The following SEC24D variants were observed in gnomAD, a reference collection of about 807,000 sequenced individuals.
SEC24D encodes the protein SEC24 homolog D, COPII component.
Under a neutral mutation model 116.9 loss-of-function variants are expected in SEC24D, and 69 were observed. That is an observed-to-expected ratio of 0.59 (90% CI 0.49 to 0.72). The LOEUF (loss-of-function observed/expected upper bound fraction) is 0.72, where lower values mean the gene tolerates loss of function less well. SEC24D is among the 30% of genes least tolerant of loss of function. SEC24D has a pLI of 0.00. For synonymous variants in SEC24D, 405 were observed against 442.8 expected, an observed-to-expected ratio of 0.91 and a Z score of 1.07; for missense variants, 1,131 against 1,264.1, an observed-to-expected ratio of 0.89 and a Z score of 1.60.
chr4:118,802,903 C>T (rs989292637), intron 7 of SEC24D, among the ~76,000 whole-genome samples: 9 of 152,116 alleles, frequency 5.9e-5, no homozygotes, highest in Admixed American at 2.6e-4. Context: ...CGGAAAGTTA[C>T]GTAGCCTTAA....
At chr4:118,754,278 A>G (rs551073698) in intron 11 of SEC24D, among the ~76,000 whole-genome samples, 1 of 152,180 alleles carries the variant, frequency 6.6e-6, no homozygotes, top group South Asian at 2.1e-4. Flanking sequence ...ACACACCTCA[A>G]TTATCCTAAA....
chr4:118,816,754 G>A (rs1305243680), intron 4 of SEC24D: 1 of 454,000 alleles, frequency 2.2e-6, no homozygotes, highest in Middle Eastern at 3.3e-4. Flanking sequence ...AGGATATACA[G>A]CATTTCTGTT....
intron 11 of SEC24D, among the ~76,000 whole-genome samples, 165 bp from the exon 12 acceptor site, chr4:118,753,053 A>G (rs1223521319): frequency 6.6e-6 from 1 of 152,150 alleles, no homozygotes; most frequent in Non-Finnish European, 1.5e-5. Flanking sequence ...AGTCACGGCA[A>G]TGGGGGATAG....
intron 3 of SEC24D, among the ~76,000 whole-genome samples, chr4:118,818,497 T>C (rs938934192): frequency 1.3e-5 from 2 of 152,368 alleles, no homozygotes; most frequent in East Asian, 3.9e-4. Context: ...TTTCTCCATA[T>C]GTTTAAATTG....
Position 118,743,961 on chromosome 4 carries a change from CAAGGTGAA to C in SEC24D, c.1995+19_1995+26del, listed in dbSNP as rs746972326. On this transcript the variant is annotated intron_variant, in intron 15 of 22. Coordinates refer to ENST00000280551, the MANE Select transcript of SEC24D (RefSeq NM_014822.4). ...CAAAATTAAAATGGGAGTAGAAGAC[CAAGGTGAA>C]CAAATTGCTGGCATTTACCTGGAAA... 2 of 1,575,612 alleles carry C rather than the reference CAAGGTGAA, an allele frequency of 1.3e-6. No homozygotes were observed. The highest frequency in any genetic ancestry group is 8.6e-7 in the Non-Finnish European group (1 of 1,159,892).
At chr4:118,806,090 C>G in intron 6 of SEC24D, 136 bp from the exon 7 acceptor site, 2 of 606,648 alleles carry the variant, frequency 3.3e-6, no homozygotes, top group Non-Finnish European at 2.9e-6. Flanking sequence ...GATGCACACA[C>G]AGTCTCACAC....
chr4:118,739,398 C>CT, intron 17 of SEC24D, 111 bp from the exon 18 acceptor site: 1 of 957,110 alleles, frequency 1.0e-6, no homozygotes, highest in Non-Finnish European at 1.5e-6. Flanking sequence ...TAAAAGACCT[C>CT]TAACTATTTT....
At chr4:118,752,499 T>C (rs574311893) in intron 12 of SEC24D, among the ~76,000 whole-genome samples, 198 bp downstream of exon 12, 1 of 152,178 alleles carries the variant, frequency 6.6e-6, no homozygotes, top group Non-Finnish European at 1.5e-5. Flanking sequence ...TCTTAGATAC[T>C]GGTCTATATT....
Position 118,810,130 on chromosome 4 carries a change from GTGTGTGT to G in SEC24D, c.802-4183_802-4177del, listed in dbSNP as rs1560737272. Among the ~76,000 whole-genome samples, 174 of 124,502 alleles carry G rather than the reference GTGTGTGT, an allele frequency of 1.4e-3. 7 individuals are homozygous for G. Among genetic ancestry groups the G allele is most frequent in the Admixed American group, 8.0e-3 (84 of 10,494 alleles). 81.7% of individuals were successfully genotyped at this position (124,502 alleles called of 152,430 possible). On this transcript the variant is annotated intron_variant, in intron 6 of 22. Transcript: ENST00000280551. ...TGTGTGTGTGTGTGTGTGTGTGTGT[GTGTGTGT>G]CAGAGGGTATAGGGGAGCCAGGGGT...
intron 8 of SEC24D, among the ~76,000 whole-genome samples, chr4:118,796,474 A>G (rs1380197918): frequency 5.9e-5 from 9 of 152,242 alleles, no homozygotes; most frequent in Admixed American, 5.9e-4. Context: ...TTCTAACAAC[A>G]GTTCAATGCC....
chr4:118,810,074 C>CTGTGTGTG (rs71595321), intron 6 of SEC24D, among the ~76,000 whole-genome samples: 2,409 of 38,466 alleles, frequency 0.063, 283 homozygotes, highest in African/African-American at 0.069. Context: ...TCAGAGGTAG[C>CTGTGTGTG]TGTGTGTGTG....
intron 8 of SEC24D, among the ~76,000 whole-genome samples, chr4:118,794,930 A>G (rs1729107865): frequency 6.6e-6 from 1 of 152,252 alleles, no homozygotes; most frequent in South Asian, 2.1e-4. Flanking sequence ...GTACCATTCT[A>G]TCATTTACAT....
chr4:118,806,135 G>A (rs757686788), intron 6 of SEC24D, among the ~76,000 whole-genome samples, 181 bp from the exon 7 acceptor site: 5 of 151,884 alleles, frequency 3.3e-5, no homozygotes, highest in Non-Finnish European at 5.9e-5. Flanking sequence ...AATCCTTTCT[G>A]TTCATTTCAG....
chr4:118,727,238 T>C (rs1018876028), intron 22 of SEC24D, among the ~76,000 whole-genome samples: 1 of 152,210 alleles, frequency 6.6e-6, no homozygotes, highest in South Asian at 2.1e-4. Context: ...ATGGATACAT[T>C]TGCAGATAGT....
chr4:118,835,086 C>T (rs1731034157), intron 1 of SEC24D, among the ~76,000 whole-genome samples: 1 of 152,066 alleles, frequency 6.6e-6, no homozygotes, highest in Admixed American at 6.5e-5. Flanking sequence ...CCCCTTTTTC[C>T]TCCTCCCACT....
intron 18 of SEC24D, 103 bp from the exon 19 acceptor site, chr4:118,738,482 C>G (rs1726078298): frequency 1.2e-6 from 1 of 800,494 alleles, no homozygotes; most frequent in Non-Finnish European, 2.2e-6. Context: ...TTCAGACCAC[C>G]CAGCAAGAAT....
chr4:118,801,683 G>A (rs1297995579), intron 7 of SEC24D, among the ~76,000 whole-genome samples: 1 of 152,048 alleles, frequency 6.6e-6, no homozygotes, highest in Admixed American at 6.5e-5. Flanking sequence ...CTGGATATTT[G>A]TTACCTTTAA....
At chr4:118,726,275 T>A (rs971188573) in intron 22 of SEC24D, among the ~76,000 whole-genome samples, 1 of 152,044 alleles carries the variant, frequency 6.6e-6, no homozygotes, top group African/African-American at 2.4e-5. Flanking sequence ...AAGTGGCAGA[T>A]GAATGAAGAG....
rs865786450 is a variant in SEC24D, at chr4:118,743,360, C to T, written c.1995+628G>A. 2.2e-3 allele frequency among the ~76,000 whole-genome samples: 327 copies of T among 147,542 alleles called. 1 individual carries two copies. Among genetic ancestry groups the T allele is most frequent in the Admixed American group, 4.2e-3 (63 of 14,906 alleles). On this transcript the variant is annotated intron_variant, in intron 15 of 22. Transcript: ENST00000280551. ...TATGGTTCCTATATATATATATACA[C>T]ACACACACACACACACACAGTTGTC...
Sources: gnomAD v4.1 joint callset for allele counts (sites outside exome capture counted in the v4.1 genomes callset) on GRCh38, gnomAD v4.1.1 for gene constraint, MANE v1.5 for transcripts, NCBI Gene and HGNC (gene_info 2026-07-23, HGNC 2026-07-21) for gene names.